Variants in WEE1 observed in about 807,000 individuals in gnomAD.
WEE1 encodes the protein wee1-like protein kinase.
WEE1 carries 16 observed loss-of-function variants against 68.8 expected under a neutral mutation model. The ratio of observed to expected loss-of-function variants is 0.23; its 90% confidence interval spans 0.16 to 0.35. The LOEUF (loss-of-function observed/expected upper bound fraction) is 0.35, where lower values mean the gene tolerates loss of function less well. Among genes scored for constraint, WEE1 ranks in the 10% least tolerant of loss-of-function variants. WEE1 has a pLI of 1.00. For synonymous variants in WEE1, 349 were observed against 318.7 expected (o/e 1.09, Z -1.01); for missense variants, 651 against 824.1 (o/e 0.79, Z 2.57).
chr11:9,580,058 A>G (rs772839153), intron 5 of WEE1: 1 of 152,254 alleles, frequency 6.6e-6, no homozygotes, highest in Non-Finnish European at 1.5e-5. Context: ...AACTAATTCT[A>G]TAAAAGCAGG....
In WEE1 at chr11:9,585,322, T is replaced by C. The variant is rs958450506; in HGVS notation, c.1353T>C (p.Asp451=). 1 of 1,614,094 alleles carries C rather than the reference T, an allele frequency of 6.2e-7. No homozygotes were observed. ...CCTCTGAAGAAGGAGACGAAGATGATTGGGCATCCAACAAAGTTATGTTTA... is the reference window on the plus strand; with the variant it reads ...CCTCTGAAGAAGGAGACGAAGATGACTGGGCATCCAACAAAGTTATGTTTA... ...NAASEEGDED[D]WASNKVMFKI... Residue 451 remains aspartate (D), a synonymous_variant, in exon 7 of 11, where the codon GAT becomes GAC. Coordinates refer to ENST00000450114, the MANE Select transcript of WEE1 (RefSeq NM_003390.4).
At position 9,576,241 on chromosome 11, in the gene WEE1, A is replaced by G; in HGVS notation, c.794A>G (p.Glu265Gly). ...AACATTTTTTTTAGTTCCTGTGGTG[A>G]AGACATGGAAGCCAGTGATTATGAG... ...KRTYWNDSCG[E>G]DMEASDYELE... Residue 265 changes from glutamate to glycine, a missense_variant, in exon 3 of 11, where the codon GAA becomes GGA. Glu to Gly is a moderately conservative substitution (Grantham distance 98, BLOSUM62 -2). Transcript: ENST00000450114. This position sits in a 1 kb window ranked among gnomAD's most constrained non-coding sequence, Gnocchi z 4.3. 1 of 1,519,594 alleles carries G rather than the reference A, an allele frequency of 6.6e-7. No homozygotes were observed. Among genetic ancestry groups the G allele is most frequent in the Non-Finnish European group, 9.0e-7 (1 of 1,117,104 alleles). 94.1% of individuals were successfully genotyped at this position (1,519,594 alleles called of 1,614,324 possible).
chr11:9,574,584 G>A lies in WEE1; in HGVS notation c.576+75G>A, dbSNP rs1342615250. On this transcript the variant is annotated intron_variant, in intron 1 of 10. Coordinates refer to ENST00000450114, the MANE Select transcript of WEE1 (RefSeq NM_003390.4). The surrounding 1 kb of genome is among the most constrained non-coding windows in gnomAD (Gnocchi z 4.9). Reference sequence around the variant, plus strand: ...GGGGCCAGCGCCGCTGCCTGGGTTCGGTTACAGAAGCGGCCGGCCGCTCCC... The same window carrying A: ...GGGGCCAGCGCCGCTGCCTGGGTTCAGTTACAGAAGCGGCCGGCCGCTCCC... The A allele has an allele frequency of 2.6e-6, 3 of 1,140,616 alleles. No individual in the cohort carries two copies. The highest frequency in any genetic ancestry group is 4.6e-5 in the East Asian group (1 of 21,970). 70.7% of individuals were successfully genotyped at this position (1,140,616 alleles called of 1,614,324 possible).
intron 5 of WEE1, chr11:9,580,231 AGTGTGTGTGTGT>A (rs60529732): frequency 4.0e-5 from 6 of 149,478 alleles, no homozygotes; most frequent in Non-Finnish European, 4.5e-5. Context: ...TGTGGAGAAG[AGTGTGTGTGTGT>A]GTGTGTGTGT....
intron 4 of WEE1, 137 bp from the exon 5 acceptor site, chr11:9,577,005 C>G (rs1849571016): frequency 1.1e-6 from 1 of 915,880 alleles, no homozygotes; most frequent in African/African-American, 1.7e-5. Flanking sequence ...GTCTAAACCC[C>G]TTCTCTCTTA....
chr11:9,577,118 C>G lies in WEE1; in HGVS notation c.1020-24C>G, dbSNP rs371478427. 18 of 1,588,754 alleles carry G rather than the reference C, an allele frequency of 1.1e-5. No individual in the cohort carries two copies. In the African/African-American group the frequency reaches 2.4e-4, roughly 22 times the overall value. The stretch of plus-strand genomic sequence containing the variant: ...GCTTGAGTGAAAATTATTTACCATT[C>G]TATTAATCTCAAATTTCTTCTAGGC... On this transcript the variant is annotated intron_variant, in intron 4 of 10. Coordinates refer to ENST00000450114, the MANE Select transcript of WEE1 (RefSeq NM_003390.4).
intron 7 of WEE1, 27 bp downstream of exon 7, chr11:9,585,380 T>A: frequency 1.2e-6 from 2 of 1,610,220 alleles, no homozygotes. Context: ...GATTATTACC[T>A]TCAGATAAAG....
rs1849726815 is a variant in WEE1, at chr11:9,588,503, C to A, written c.1842C>A (p.Phe614Leu). Reference protein sequence around the residue: ...AKAAAEERALFTDRMATRSTT... With the variant: ...AKAAAEERALLTDRMATRSTT... The stretch of plus-strand genomic sequence containing the variant: ...CTGCAGCTGAGGAAAGAGCACTCTT[C>A]ACTGACCGGATGGCCACTAGGTCCA... Residue 614 changes from phenylalanine (F) to leucine (L), a missense_variant, in exon 11 of 11, where the codon TTC becomes TTA. Phe to Leu is a conservative substitution (Grantham distance 22). Around this residue, in one of 5 missense-constraint regions of WEE1, gnomAD observed 115 missense variants for 142.7 expected, o/e 0.81. Transcript: ENST00000450114. The A allele has an allele frequency of 2.5e-6, 4 of 1,611,890 alleles. No individual in the cohort carries two copies. Among genetic ancestry groups the A allele is most frequent in the Non-Finnish European group, 3.4e-6 (4 of 1,179,570 alleles).
At position 9,586,729 on chromosome 11, in the gene WEE1, C is replaced by A; in HGVS notation, c.1660C>A (p.Pro554Thr). ...TTTTAAGGTTATGATTCATCCAGAT[C>A]CAGAGAGAAGACCTTCAGCAATGGC... The part of the protein sequence containing the change: ...ELLKVMIHPD[P>T]ERRPSAMALV... The change falls in exon 10 of 11, where the codon CCA becomes ACA. Residue 554 changes from proline to threonine, a missense_variant. This residue lies in a region of WEE1 where 115 missense variants were observed against 142.7 expected (regional missense o/e 0.81). Transcript: ENST00000450114. The A allele has an allele frequency of 6.2e-7, 1 of 1,613,862 alleles. No individual in the cohort carries two copies. The highest frequency in any genetic ancestry group is 8.5e-7 in the Non-Finnish European group (1 of 1,179,980).
In WEE1 at chr11:9,583,816, T is replaced by C. The variant is rs1296741310; in HGVS notation, c.1289-1442T>C. The stretch of plus-strand genomic sequence containing the variant: ...ACACACACACACATATATATATATA[T>C]ATATATATATATATATATATATATA... On this transcript the variant is annotated intron_variant, in intron 6 of 10. Transcript: ENST00000450114. 5.0e-3 allele frequency among the ~76,000 whole-genome samples: 114 copies of C among 22,970 alleles called. 1 individual carries two copies. Among genetic ancestry groups the C allele is most frequent in the Non-Finnish European group, 9.7e-3 (84 of 8,616 alleles). The allele number at this position is 22,970 out of a possible 152,430, so 15.1% of individuals were successfully genotyped here. A position where few individuals can be genotyped will look rare whatever the true frequency, so the allele number is the denominator to read the frequency against.
intron 1 of WEE1, chr11:9,575,496 G>A (rs1035758256): frequency 6.8e-6 from 5 of 734,338 alleles, no homozygotes; most frequent in Admixed American, 1.0e-4. Context: ...AGTGAGGGGA[G>A]GAGTCCAGCG....
rs1306579213 is a variant in WEE1 at position 9,574,194 on chromosome 11, C to G, written c.261C>G (p.Gly87=). 2 of 1,174,288 alleles carry G rather than the reference C, an allele frequency of 1.7e-6. No individual in the cohort carries two copies. Among genetic ancestry groups the G allele is most frequent in the Non-Finnish European group, 1.1e-6 (1 of 951,464 alleles). The allele number at this position is 1,174,288 out of a possible 1,614,324, so 72.7% of individuals were successfully genotyped here. ...CCGGGCCGGCCCCCGGCAGCCCCGG[C>G]GAGCTGGAGGAGGACCTGTTGCTGC... is the stretch of plus-strand genomic sequence containing the variant. ...RSPGPAPGSP[G]ELEEDLLLPG... The change falls in exon 1 of 11, where the codon GGC becomes GGG. Residue 87 remains glycine, a synonymous_variant. Coordinates refer to ENST00000450114, the MANE Select transcript of WEE1 (RefSeq NM_003390.4). This position sits in a 1 kb window ranked among gnomAD's most constrained non-coding sequence, Gnocchi z 4.9.
intron 6 of WEE1, among the ~76,000 whole-genome samples, chr11:9,583,802 CATATATATATAT>C (rs371859938): frequency 8.0e-3 from 141 of 17,726 alleles, no homozygotes; most frequent in Non-Finnish European, 8.9e-3. Flanking sequence ...CACACACACA[CATATATATATAT>C]ATATATATAT....
chr11:9,583,753 A>G (rs1212585908), intron 6 of WEE1, among the ~76,000 whole-genome samples: 1 of 96,926 alleles, frequency 1.0e-5, no homozygotes, highest in Non-Finnish European at 1.9e-5. Flanking sequence ...GTGTGCGTGC[A>G]CGCGCGCGCA....
At position 9,589,038 on chromosome 11, in the gene WEE1, C is replaced by CT. The variant is rs139009920; in HGVS notation, c.*446dup. On this transcript the variant is annotated 3_prime_UTR_variant, in exon 11 of 11. Coordinates refer to ENST00000450114, the MANE Select transcript of WEE1 (RefSeq NM_003390.4). ...GTACCTGTGTGTCCATCTTATATTTCTTTTTTTTTTAATTGTGAATTAGAC... is the reference window on the plus strand; with the variant it reads ...GTACCTGTGTGTCCATCTTATATTTCTTTTTTTTTTTAATTGTGAATTAGAC... 2.0e-3 allele frequency: 1,837 copies of CT among 919,144 alleles called. No homozygotes were observed. The highest frequency in any genetic ancestry group is 2.2e-3 in the Non-Finnish European group (1,691 of 769,888). 56.9% of individuals were successfully genotyped at this position (919,144 alleles called of 1,614,324 possible).
Position 9,581,752 on chromosome 11 carries a change from GA to G in WEE1, c.1288+80del, listed in dbSNP as rs1300075435. On this transcript the variant is annotated intron_variant, in intron 6 of 10. Transcript: ENST00000450114. ...TAAATTACTTCATTATGACAACATTGAAAAAATATATATCTTCTGTTTTCTC... is the reference window on the plus strand; with the variant it reads ...TAAATTACTTCATTATGACAACATTGAAAAATATATATCTTCTGTTTTCTC... 7 of 1,402,524 alleles carry G rather than the reference GA, an allele frequency of 5.0e-6. No homozygotes were observed. The East Asian group carries it at 1.5e-4, about 30-fold the overall frequency. 86.9% of individuals were successfully genotyped at this position (1,402,524 alleles called of 1,614,324 possible).
intron 1 of WEE1, chr11:9,575,177 C>T (rs1460492980): frequency 2.6e-5 from 26 of 985,356 alleles, no homozygotes; most frequent in Non-Finnish European, 3.1e-5. Flanking sequence ...AGAGTTTGGC[C>T]GGCCTCCGTG....
intron 10 of WEE1, among the ~76,000 whole-genome samples, chr11:9,588,114 A>G (rs1286777439): frequency 2.6e-5 from 4 of 152,154 alleles, no homozygotes; most frequent in Admixed American, 2.6e-4. Flanking sequence ...TCCTGGGCCC[A>G]AGCGATCCTC....
At chr11:9,588,371 C>A in intron 10 of WEE1, 78 bp from the exon 11 acceptor site, 1 of 993,830 alleles carries the variant, frequency 1.0e-6, no homozygotes, top group Non-Finnish European at 1.4e-6. Context: ...AAATATCTCC[C>A]AATCGACAAT....
Sources: allele counts gnomAD v4.1 joint callset (sites outside exome capture counted in the v4.1 genomes callset), GRCh38; gene constraint gnomAD v4.1.1; regional missense constraint gnomAD v4.1.1; non-coding constraint Gnocchi (gnomAD v3.1); transcripts MANE v1.5; gene names NCBI Gene and HGNC (gene_info 2026-07-23, HGNC 2026-07-21).